The following FBH1 variants were observed in gnomAD, a reference collection of about 807,000 sequenced individuals.
FBH1 encodes F-box DNA helicase 1, also known as DNA 3'-5' helicase 1.
In FBH1, 43 loss-of-function variants were observed where a neutral mutation model predicts 115.5. The ratio of observed to expected loss-of-function variants is 0.37; its 90% CI spans 0.29 to 0.48. FBH1 has a LOEUF of 0.48. FBH1 is among the 20% of genes least tolerant of loss of function. The pLI, the probability that FBH1 is intolerant of heterozygous loss-of-function variation, is 0.99. For synonymous variants in FBH1, 524 were observed against 507.8 expected (o/e 1.03, Z -0.43); for missense variants, 1,001 against 1,337.3 (o/e 0.75, Z 3.92).
rs1833336036 is a variant in FBH1, at chr10:5,936,251, C to CA, written c.2830-203dup. The stretch of plus-strand genomic sequence containing the variant: ...GTTAAATATATATATATTTAAAAAG[C>CA]AATTGGACTGTCAGTTGGACTGTCG... On this transcript the variant is annotated intron_variant, in intron 19 of 20. Coordinates refer to ENST00000362091, the MANE Select transcript of FBH1 (RefSeq NM_178150.3). This position sits in a 1 kb window ranked among gnomAD's most constrained non-coding sequence, Gnocchi z 5.6. 3 of 411,036 alleles carry CA rather than the reference C, an allele frequency of 7.3e-6. No homozygotes were observed. The South Asian group carries it at 1.1e-4, about 16-fold the overall frequency. The allele number at this position is 411,036 out of a possible 1,614,324, so 25.5% of individuals were successfully genotyped here.
chr10:5,921,555 A>G lies in FBH1; in HGVS notation c.2308A>G (p.Ile770Val). The change falls in exon 15 of 21, where the codon ATA (isoleucine) becomes GTA (valine). Residue 770 changes from isoleucine to valine, a missense_variant. Ile to Val is a conservative substitution (Grantham distance 29, BLOSUM62 3). This residue lies in a region of FBH1 where 521 missense variants were observed against 811.0 expected (regional missense o/e 0.64). Coordinates refer to ENST00000362091, the MANE Select transcript of FBH1 (RefSeq NM_178150.3). This position sits in a 1 kb window ranked among gnomAD's most constrained non-coding sequence, Gnocchi z 6.4. ...RVTEGEFPSR[I>V]HLIGGIKSFG... ...GACGGAAGGGGAATTCCCTTCAAGG[A>G]TACATTTGATTGGGGTAAGAGTACA... The G allele has an allele frequency of 1.3e-6, 2 of 1,594,736 alleles. No individual in the cohort carries two copies. The highest frequency in any genetic ancestry group is 1.7e-6 in the Non-Finnish European group (2 of 1,175,538).
chr10:5,918,629 C>A lies in FBH1; in HGVS notation c.2100+151C>A. 9.9e-7 allele frequency: 1 copy of A among 1,010,496 alleles called. No individual in the cohort carries two copies. Among genetic ancestry groups the A allele is most frequent in the Non-Finnish European group, 1.4e-6 (1 of 735,718 alleles). 62.6% of individuals were successfully genotyped at this position (1,010,496 alleles called of 1,614,324 possible). A position where few individuals can be genotyped will look rare whatever the true frequency, so the allele number is the denominator to read the frequency against. ...TCAAAGTGTGGTTCTCAGGGGTCTG[C>A]CAAGTCACACTGTTTTCATAAGAGG... is the stretch of plus-strand genomic sequence containing the variant. On this transcript the variant is annotated intron_variant, in intron 13 of 20. Transcript: ENST00000362091. This position sits in a 1 kb window ranked among gnomAD's most constrained non-coding sequence, Gnocchi z 4.0.
In FBH1 at chr10:5,936,821, C is replaced by G. The variant is rs769726720; in HGVS notation, c.2961+234C>G. 151 of 620,840 alleles carry G rather than the reference C, an allele frequency of 2.4e-4. No individual in the cohort carries two copies. Among genetic ancestry groups the G allele is most frequent in the Non-Finnish European group, 3.6e-4 (131 of 363,610 alleles). The allele number at this position is 620,840 out of a possible 1,614,324, so 38.5% of individuals were successfully genotyped here. On this transcript the variant is annotated intron_variant, in intron 20 of 20. Coordinates refer to ENST00000362091, the MANE Select transcript of FBH1 (RefSeq NM_178150.3). This position sits in a 1 kb window ranked among gnomAD's most constrained non-coding sequence, Gnocchi z 5.6. ...AGGTCTGGGAGGCTGGGTTGTGATA[C>G]ACGCTTAGAGAGAGAGCTGTTCCCT...
At position 5,936,583 on chromosome 10, in the gene FBH1, C is replaced by A. The variant is rs761658813; in HGVS notation, c.2957C>A (p.Thr986Asn). The A allele has an allele frequency of 6.2e-7, 1 of 1,613,966 alleles. No individual in the cohort carries two copies. Among genetic ancestry groups the A allele is most frequent in the South Asian group, 1.1e-5 (1 of 91,080 alleles). The change falls in exon 20 of 21, where the codon ACC becomes AAC. Residue 986 changes from threonine to asparagine, a missense_variant. Coordinates refer to ENST00000362091, the MANE Select transcript of FBH1 (RefSeq NM_178150.3). The surrounding 1 kb of genome is among the most constrained non-coding windows in gnomAD (Gnocchi z 5.6). ...TVLTMKKLPI[T>N]YSNRKENKGG... is the part of the protein sequence containing the mutation. ...CTTACCATGAAGAAGCTGCCCATCA[C>A]CTATGTACGTCTGCTGTCTGTGGAA...
In FBH1 at chr10:5,936,378, AGCC is replaced by A; in HGVS notation, c.2830-72_2830-70del. ...CAGTGCATCTAAAGGGTTCTCACAG[AGCC>A]GCCGCTATCAGTGTTTCCAGTAGAC... On this transcript the variant is annotated intron_variant, in intron 19 of 20. Transcript: ENST00000362091. The surrounding 1 kb of genome is among the most constrained non-coding windows in gnomAD (Gnocchi z 5.6). 6.5e-7 allele frequency: 1 copy of A among 1,545,088 alleles called. No individual in the cohort carries two copies. Among genetic ancestry groups the A allele is most frequent in the Non-Finnish European group, 8.8e-7 (1 of 1,133,610 alleles).
chr10:5,926,797 A>G (rs1488650912), intron 18 of FBH1, among the ~76,000 whole-genome samples: 1 of 152,226 alleles, frequency 6.6e-6, no homozygotes, highest in African/African-American at 2.4e-5. Flanking sequence ...AAAGTGTACA[A>G]TTCAGCAGCT....
rs1843077676 is a variant in FBH1 at position 5,897,468 on chromosome 10, C to G, written c.2-5552C>G. 6.6e-6 allele frequency among the ~76,000 whole-genome samples: 1 copy of G among 152,088 alleles called. No individual in the cohort carries two copies. The highest frequency in any genetic ancestry group is 1.5e-5 in the Non-Finnish European group (1 of 67,998). ...GCACCTCTCTCTGAGACCAGAGATA[C>G]AGGTTAGTTTTCCTGACCTCCAGCT... On this transcript the variant is annotated intron_variant, in intron 1 of 20. Coordinates refer to ENST00000362091, the MANE Select transcript of FBH1 (RefSeq NM_178150.3). The surrounding 1 kb of genome is among the most constrained non-coding windows in gnomAD (Gnocchi z 4.7).
At chr10:5,927,705 T>A (rs1760242783) in intron 19 of FBH1, among the ~76,000 whole-genome samples, 164 bp downstream of exon 19, 1 of 152,134 alleles carries the variant, frequency 6.6e-6, no homozygotes, top group African/African-American at 2.4e-5. Flanking sequence ...TAAGAAGTGT[T>A]CTAACCAAGG....
rs200717830 is a variant in FBH1, at chr10:5,914,294, C to T, written c.1396+25C>T. 1.8e-4 allele frequency: 288 copies of T among 1,605,644 alleles called. 1 individual carries two copies. Among genetic ancestry groups the T allele is most frequent in the Middle Eastern group, 1.3e-3 (8 of 6,046 alleles). On this transcript the variant is annotated intron_variant, in intron 8 of 20. Transcript: ENST00000362091. This position sits in a 1 kb window ranked among gnomAD's most constrained non-coding sequence, Gnocchi z 5.2. ...GGTAAGGGAGCCCACATCAGGTTCACGAGGTGGTGGTTTTCTGCCTTTTCT... is the reference window on the plus strand; with the variant it reads ...GGTAAGGGAGCCCACATCAGGTTCATGAGGTGGTGGTTTTCTGCCTTTTCT...
chr10:5,891,126 T>G (rs1419053263), intron 1 of FBH1: 1 of 985,446 alleles, frequency 1.0e-6, no homozygotes, highest in Non-Finnish European at 1.2e-6. Context: ...GGTAATAAAG[T>G]CTTCTGGAAG....
chr10:5,890,726 A>T (rs1269033211), intron 1 of FBH1, among the ~76,000 whole-genome samples: 1 of 152,098 alleles, frequency 6.6e-6, no homozygotes, highest in Non-Finnish European at 1.5e-5. Context: ...GACCTTGGGC[A>T]AGTCATTTTT....
Position 5,915,840 on chromosome 10 carries a change from G to A in FBH1, c.1565+269G>A. On this transcript the variant is annotated intron_variant, in intron 9 of 20. Transcript: ENST00000362091. This position sits in a 1 kb window ranked among gnomAD's most constrained non-coding sequence, Gnocchi z 5.2. ...AGAAAGTCAAAATGACTTGCTTAAA[G>A]TTCAGAGTCTCACAAATCCTGATCA... 1 of 505,180 alleles carries A rather than the reference G, an allele frequency of 2.0e-6. No homozygotes were observed. The highest frequency in any genetic ancestry group is 3.6e-6 in the Non-Finnish European group (1 of 281,162). 31.3% of individuals were successfully genotyped at this position (505,180 alleles called of 1,614,324 possible).
In FBH1 at chr10:5,911,316, C is replaced by T. The variant is rs909195342; in HGVS notation, c.1211+188C>T. On this transcript the variant is annotated intron_variant, in intron 6 of 20. Transcript: ENST00000362091. The surrounding 1 kb of genome is among the most constrained non-coding windows in gnomAD (Gnocchi z 5.4). ...TTTGATGTGGAAAGGCTGGTAAGAG[C>T]GCCTTATGAACGTGCAGTTCTGAGC... Among the ~76,000 whole-genome samples, 2 of 152,202 alleles carry T rather than the reference C, an allele frequency of 1.3e-5. No homozygotes were observed. The highest frequency in any genetic ancestry group is 2.9e-5 in the Non-Finnish European group (2 of 68,042).
At position 5,916,504 on chromosome 10, in the gene FBH1, CA is replaced by C. The variant is rs1164073352; in HGVS notation, c.1788+49del. ...TGTTAGGGATCTGAGGATGGGGGAA[CA>C]GGGGAAGTGTTAGGGATCTGAGGAT... is the stretch of plus-strand genomic sequence containing the variant. On this transcript the variant is annotated intron_variant, in intron 10 of 20. Coordinates refer to ENST00000362091, the MANE Select transcript of FBH1 (RefSeq NM_178150.3). 8 of 1,443,942 alleles carry C rather than the reference CA, an allele frequency of 5.5e-6. No homozygotes were observed. In the African/African-American group the frequency reaches 7.4e-5, roughly 13 times the overall value. 89.4% of individuals were successfully genotyped at this position (1,443,942 alleles called of 1,614,324 possible).
At position 5,892,619 on chromosome 10, in the gene FBH1, C is replaced by T. The variant is rs186649669; in HGVS notation, c.1+2273C>T. Among the ~76,000 whole-genome samples the T allele has an allele frequency of 2.8e-3, 427 of 152,322 alleles. 3 individuals carry two copies. Among genetic ancestry groups the T allele is most frequent in the Non-Finnish European group, 4.4e-3 (299 of 68,018 alleles). On this transcript the variant is annotated intron_variant, in intron 1 of 20. Coordinates refer to ENST00000362091, the MANE Select transcript of FBH1 (RefSeq NM_178150.3). ...CCTCCTGGAGCATAAACATGGTATTCCACAGATAACTTAAAGCCAGAAATT... is the reference window on the plus strand; with the variant it reads ...CCTCCTGGAGCATAAACATGGTATTTCACAGATAACTTAAAGCCAGAAATT...
chr10:5,897,627 C>T lies in FBH1; in HGVS notation c.2-5393C>T, dbSNP rs1843088616. On this transcript the variant is annotated intron_variant, in intron 1 of 20. Coordinates refer to ENST00000362091, the MANE Select transcript of FBH1 (RefSeq NM_178150.3). The surrounding 1 kb of genome is among the most constrained non-coding windows in gnomAD (Gnocchi z 4.7). ...CCAAACTATGGCTGGTAACGCCATT[C>T]CAGTTATATAGGTTACTTATCTTAG... 6.6e-6 allele frequency among the ~76,000 whole-genome samples: 1 copy of T among 152,170 alleles called. No individual in the cohort carries two copies. Among genetic ancestry groups the T allele is most frequent in the Non-Finnish European group, 1.5e-5 (1 of 68,044 alleles).
In FBH1 at chr10:5,937,490, T is replaced by G. The variant is rs946733692; in HGVS notation, c.*210T>G. 3.2e-5 allele frequency: 13 copies of G among 409,972 alleles called. No homozygotes were observed. Among genetic ancestry groups the G allele is most frequent in the Non-Finnish European group, 5.0e-5 (12 of 237,850 alleles). The allele number at this position is 409,972 out of a possible 1,614,324, so 25.4% of individuals were successfully genotyped here. A position where few individuals can be genotyped will look rare whatever the true frequency, so the allele number is the denominator to read the frequency against. ...TTGCCTCCCCTCTGGATGTATCTGG[T>G]CAGGGAAGTGGGGGATGTTCTTTTG... On this transcript the variant is annotated 3_prime_UTR_variant, in exon 21 of 21. Coordinates refer to ENST00000362091, the MANE Select transcript of FBH1 (RefSeq NM_178150.3).
At position 5,935,031 on chromosome 10, in the gene FBH1, G is replaced by C. The variant is rs1230639513; in HGVS notation, c.2830-1425G>C. On this transcript the variant is annotated intron_variant, in intron 19 of 20. Coordinates refer to ENST00000362091, the MANE Select transcript of FBH1 (RefSeq NM_178150.3). This position sits in a 1 kb window ranked among gnomAD's most constrained non-coding sequence, Gnocchi z 5.2. The stretch of plus-strand genomic sequence containing the variant: ...TGGTGGGTTATGAGAGGCTTAAAAA[G>C]AGTTAAATGGCATAAAATCTAAAGA... 1.3e-5 allele frequency: 2 copies of C among 152,198 alleles called. No individual in the cohort carries two copies. Among genetic ancestry groups the C allele is most frequent in the Non-Finnish European group, 2.9e-5 (2 of 68,042 alleles). The allele number at this position is 152,198 out of a possible 1,614,324, so 9.4% of individuals were successfully genotyped here.
chr10:5,920,726 G>T (rs992167111), intron 13 of FBH1, among the ~76,000 whole-genome samples: 30 of 152,328 alleles, frequency 2.0e-4, no homozygotes, highest in African/African-American at 6.7e-4. Flanking sequence ...TACACACCCC[G>T]AGTGTAGGGA....
Sources: gnomAD v4.1 joint callset for allele counts (sites outside exome capture counted in the v4.1 genomes callset) on GRCh38, gnomAD v4.1.1 for gene constraint, gnomAD v4.1.1 regional missense constraint, Gnocchi (gnomAD v3.1) non-coding constraint, MANE v1.5 for transcripts, NCBI Gene and HGNC (gene_info 2026-07-23, HGNC 2026-07-21) for gene names.